The following CSMD2 variants were observed in gnomAD, a reference collection of about 807,000 sequenced individuals.
CSMD2 encodes CUB and sushi domain-containing protein 2.
Under a neutral mutation model 398.5 loss-of-function variants are expected in CSMD2, and 130 were observed. The observed-to-expected ratio is 0.33, with a 90% CI of 0.28 to 0.38. The LOEUF (loss-of-function observed/expected upper bound fraction) is 0.38. Ranked by LOEUF, CSMD2 falls within the 10% of genes least tolerant of loss-of-function variation. The probability of loss-of-function intolerance (pLI) is 1.00; values close to 1 mark genes in which losing one functional copy is unlikely to be tolerated. For missense variants in CSMD2, 3,829 were observed against 4,764.9 expected, an observed-to-expected ratio of 0.80 and a Z score of 5.78; for synonymous variants, 1,828 against 1,908.5, an observed-to-expected ratio of 0.96 and a Z score of 1.10.
At position 34,076,909 on chromosome 1, in the gene CSMD2, C is replaced by CAAAAAA. The variant is rs1160217243; in HGVS notation, c.404+12062_404+12067dup. On this transcript the variant is annotated intron_variant, in intron 2 of 70. Coordinates refer to ENST00000373381, the MANE Select transcript of CSMD2 (RefSeq NM_001281956.2). ...ACTGTATGGCTCTGTTACAGCAAAG[C>CAAAAAA]AAAAAAAAAAAAAAAAAAAATATAT... is the stretch of plus-strand genomic sequence containing the variant. Among the ~76,000 whole-genome samples, 35 of 10,196 alleles carry CAAAAAA rather than the reference C, an allele frequency of 3.4e-3. 1 individual carries two copies. The highest frequency in any genetic ancestry group is 9.3e-3 in the South Asian group (1 of 108). 6.7% of individuals were successfully genotyped at this position (10,196 alleles called of 152,430 possible).
At chr1:33,678,985 C>T (rs1172211700) in intron 25 of CSMD2, among the ~76,000 whole-genome samples, 1 of 152,186 alleles carries the variant, frequency 6.6e-6, no homozygotes, top group Non-Finnish European at 1.5e-5. Flanking sequence ...TTCCCTCTAA[C>T]GTGCTGGGTG....
chr1:33,618,703 G>A (rs1359798849), intron 37 of CSMD2, among the ~76,000 whole-genome samples: 1 of 152,008 alleles, frequency 6.6e-6, no homozygotes, highest in African/African-American at 2.4e-5. Flanking sequence ...ACTTCCATGA[G>A]CAAGGCTGGG....
At chr1:33,758,703 G>A (rs1444466676) in intron 13 of CSMD2, among the ~76,000 whole-genome samples, 1 of 152,140 alleles carries the variant, frequency 6.6e-6, no homozygotes, top group Non-Finnish European at 1.5e-5. Flanking sequence ...CTCTTGAGGT[G>A]GTGCTCTCTT....
intron 2 of CSMD2, among the ~76,000 whole-genome samples, chr1:34,060,764 A>G (rs1413386207): frequency 6.6e-6 from 1 of 152,082 alleles, no homozygotes; most frequent in Non-Finnish European, 1.5e-5. Flanking sequence ...GAAATGGAGT[A>G]ACCAAAATGT....
chr1:33,859,145 A>G (rs1185982379), intron 5 of CSMD2, among the ~76,000 whole-genome samples: 1 of 152,232 alleles, frequency 6.6e-6, no homozygotes, highest in Admixed American at 6.5e-5. Flanking sequence ...ATAACTGTAC[A>G]TTTAAGGGCT....
chr1:33,631,864 G>A (rs59415330), intron 32 of CSMD2, among the ~76,000 whole-genome samples: 388 of 152,142 alleles, frequency 2.6e-3, no homozygotes, highest in African/African-American at 8.2e-3. Context: ...GGAGGCAAAA[G>A]TAAGCAACAA....
At chr1:33,797,833 G>A (rs772297608) in intron 10 of CSMD2, among the ~76,000 whole-genome samples, 14 of 152,118 alleles carry the variant, frequency 9.2e-5, no homozygotes, top group Non-Finnish European at 7.4e-5. Context: ...CAGAGGACAC[G>A]GCTCACCCAG....
chr1:33,583,758 T>G lies in CSMD2; in HGVS notation c.7124A>C (p.Tyr2375Ser), dbSNP rs758779533. ...CCAAGAGCAGGTCTGGAACTGGGGATAGCTTCCAGGGTAGCTCTGGCTCAG... is the reference window on the plus strand; with the variant it reads ...CCAAGAGCAGGTCTGGAACTGGGGAGAGCTTCCAGGGTAGCTCTGGCTCAG... ...VILSQSYPGS[Y>S]PQFQTCSWLV... Residue 2375 changes from tyrosine to serine, a missense_variant, in exon 47 of 71, where the codon TAT becomes TCT. Coordinates refer to ENST00000373381, the MANE Select transcript of CSMD2 (RefSeq NM_001281956.2). 5 of 1,614,198 alleles carry G rather than the reference T, an allele frequency of 3.1e-6. No homozygotes were observed. The highest frequency in any genetic ancestry group is 4.2e-6 in the Non-Finnish European group (5 of 1,180,016).
At chr1:34,047,802 G>A (rs1420603357) in intron 2 of CSMD2, among the ~76,000 whole-genome samples, 1 of 152,116 alleles carries the variant, frequency 6.6e-6, no homozygotes, top group Non-Finnish European at 1.5e-5. Flanking sequence ...ATCTCAAAGA[G>A]GATGGCACAA....
chr1:34,062,366 T>C (rs886588283), intron 2 of CSMD2, among the ~76,000 whole-genome samples: 1 of 152,220 alleles, frequency 6.6e-6, no homozygotes, highest in African/African-American at 2.4e-5. Context: ...GGGGTGTCCA[T>C]GGTACACACG....
At chr1:33,772,230 G>A (rs1651370101) in intron 13 of CSMD2, 1 of 209,430 alleles carries the variant, frequency 4.8e-6, no homozygotes, top group African/African-American at 2.3e-5. Flanking sequence ...GATGGTGTCA[G>A]GGGTGGCAAT....
intron 5 of CSMD2, among the ~76,000 whole-genome samples, chr1:33,883,854 A>G (rs1009398444): frequency 1.3e-5 from 2 of 152,224 alleles, no homozygotes; most frequent in African/African-American, 4.8e-5. Flanking sequence ...GCAATGGCCA[A>G]TGAAGACCAG....
intron 23 of CSMD2, among the ~76,000 whole-genome samples, chr1:33,699,398 A>G (rs185085122): frequency 6.6e-6 from 1 of 152,320 alleles, no homozygotes; most frequent in Non-Finnish European, 1.5e-5. Context: ...CTCCCACTCT[A>G]CGGCGCTATA....
At chr1:33,969,372 G>A (rs1362009253) in intron 3 of CSMD2, among the ~76,000 whole-genome samples, 2 of 152,138 alleles carry the variant, frequency 1.3e-5, no homozygotes, top group East Asian at 3.8e-4. Flanking sequence ...ATGGCTACTA[G>A]AAATTTAAAA....
chr1:33,595,784 T>C (rs1485501529), intron 44 of CSMD2, among the ~76,000 whole-genome samples: 1 of 152,220 alleles, frequency 6.6e-6, no homozygotes, highest in Non-Finnish European at 1.5e-5. Flanking sequence ...GGCTTGGGAT[T>C]AGCCATTTCT....
chr1:33,977,922 G>A (rs535790215), intron 3 of CSMD2, among the ~76,000 whole-genome samples: 16 of 152,288 alleles, frequency 1.1e-4, no homozygotes, highest in Non-Finnish European at 2.4e-4. Flanking sequence ...GAAGCGGGCA[G>A]GGGTCCCGGT....
Position 33,557,817 on chromosome 1 carries a change from TTGCA to T in CSMD2, c.8656_8659del (p.Cys2886ThrfsTer114). The T allele has an allele frequency of 6.5e-7, 1 of 1,536,080 alleles. No individual in the cohort carries two copies. Among genetic ancestry groups the T allele is most frequent in the Non-Finnish European group, 8.7e-7 (1 of 1,146,902 alleles). On this transcript the variant is annotated frameshift_variant, in exon 55 of 71. Transcript: ENST00000373381. LOFTEE classifies it high-confidence loss of function. ...GGTGCCCAGGAGGTAGAAGCCGTGG[TTGCA>T]CCGGTAAGACACAGTGGTGCCGAAG...
At chr1:34,035,887 T>C (rs1183549129) in intron 2 of CSMD2, among the ~76,000 whole-genome samples, 5 of 152,120 alleles carry the variant, frequency 3.3e-5, no homozygotes, top group African/African-American at 4.8e-5. Flanking sequence ...ATAAGACATA[T>C]GCATGGCAAA....
intron 25 of CSMD2, among the ~76,000 whole-genome samples, chr1:33,663,522 G>A (rs1644211479): frequency 6.6e-6 from 1 of 152,178 alleles, no homozygotes; most frequent in African/African-American, 2.4e-5. Context: ...GGGCTAGAGG[G>A]CAGGGGGAAC....
Sources: gnomAD v4.1 joint callset for allele counts (sites outside exome capture counted in the v4.1 genomes callset) on GRCh38, gnomAD v4.1.1 for gene constraint, MANE v1.5 for transcripts, NCBI Gene and HGNC (gene_info 2026-07-23, HGNC 2026-07-21) for gene names.